The following CDH18 variants were observed in gnomAD, a reference collection of about 807,000 sequenced individuals.
CDH18 encodes the protein cadherin 18.
Under a neutral mutation model 67.9 loss-of-function variants are expected in CDH18, and 31 were observed. The ratio of observed to expected loss-of-function variants is 0.46; its 90% CI spans 0.34 to 0.62. The LOEUF (loss-of-function observed/expected upper bound fraction) is 0.62, where lower values mean the gene tolerates loss of function less well. Ranked by LOEUF, CDH18 falls within the 20% of genes least tolerant of loss-of-function variation. The pLI is 0.01. For synonymous variants in CDH18, 362 were observed against 347.2 expected (o/e 1.04, Z -0.48); for missense variants, 890 against 975.5 (o/e 0.91, Z 1.17).
intron 5 of CDH18, among the ~76,000 whole-genome samples, chr5:19,673,708 TG>T (rs1486346641): frequency 6.6e-6 from 1 of 152,096 alleles, no homozygotes; most frequent in Non-Finnish European, 1.5e-5. Flanking sequence ...TTTTTGTAAT[TG>T]GAATGTTTAA....
chr5:20,227,753 G>A, intron 2 of CDH18, among the ~76,000 whole-genome samples: 1 of 152,136 alleles, frequency 6.6e-6, no homozygotes, highest in Admixed American at 6.6e-5. Context: ...CTCCCAGAGT[G>A]CTGGGATTAC....
At chr5:20,552,686 T>C (rs1757695521) in intron 1 of CDH18, among the ~76,000 whole-genome samples, 1 of 152,134 alleles carries the variant, frequency 6.6e-6, no homozygotes, top group Non-Finnish European at 1.5e-5. Context: ...ATCTTATATT[T>C]TTACATAAAA....
rs529861228 is a variant in CDH18, at chr5:19,919,007, C to T, written c.-257+62053G>A. Reference sequence around the variant, plus strand: ...ATTAGAACGTTCAGCCCCACCCAGACTGGAAATGGTTGAGTGACTGGAGAT... The same window carrying T: ...ATTAGAACGTTCAGCCCCACCCAGATTGGAAATGGTTGAGTGACTGGAGAT... On this transcript the variant is annotated intron_variant, in intron 2 of 12. Coordinates refer to ENST00000382275, the MANE Select transcript of CDH18 (RefSeq NM_004934.5). Among the ~76,000 whole-genome samples, 5 of 152,150 alleles carry T rather than the reference C, an allele frequency of 3.3e-5. No individual in the cohort carries two copies. In the South Asian group the frequency reaches 1.0e-3, roughly 32 times the overall value.
chr5:20,092,987 T>C (rs1189966090), intron 2 of CDH18, among the ~76,000 whole-genome samples: 2 of 152,192 alleles, frequency 1.3e-5, no homozygotes, highest in Non-Finnish European at 2.9e-5. Context: ...ACTACTGTTT[T>C]AAATATGTAC....
At chr5:20,314,706 G>A (rs1173785684) in intron 1 of CDH18, among the ~76,000 whole-genome samples, 1 of 151,974 alleles carries the variant, frequency 6.6e-6, no homozygotes, top group African/African-American at 2.4e-5. Context: ...TTTTTTAAAA[G>A]CCTAAGTATA....
Position 20,394,530 on chromosome 5 carries a change from A to T in CDH18, c.-579-139025T>A, listed in dbSNP as rs182369243. ...GGGCGTTGGTCTAGGCAAATAATTTATAACTAACAAATAGCCCAAAAGCAA... is the reference window on the plus strand; with the variant it reads ...GGGCGTTGGTCTAGGCAAATAATTTTTAACTAACAAATAGCCCAAAAGCAA... On this transcript the variant is annotated intron_variant, in intron 1 of 14. Transcript: ENST00000507958. 6.9e-4 allele frequency among the ~76,000 whole-genome samples: 100 copies of T among 145,092 alleles called. 3 individuals carry two copies. In the East Asian group the frequency reaches 0.017, roughly 25 times the overall value.
At chr5:19,776,848 C>T (rs1379297268) in intron 3 of CDH18, among the ~76,000 whole-genome samples, 1 of 151,988 alleles carries the variant, frequency 6.6e-6, no homozygotes, top group Admixed American at 6.6e-5. Context: ...ATAATAAGAA[C>T]TAATAGTGAA....
intron 3 of CDH18, among the ~76,000 whole-genome samples, chr5:19,831,251 A>G (rs922748115): frequency 5.3e-5 from 8 of 152,162 alleles, no homozygotes; most frequent in African/African-American, 1.9e-4. Flanking sequence ...TCACAAAACA[A>G]AACAAAAAGT....
chr5:19,644,916 C>T (rs1055095180), intron 5 of CDH18, among the ~76,000 whole-genome samples: 1 of 152,208 alleles, frequency 6.6e-6, no homozygotes, highest in African/African-American at 2.4e-5. Flanking sequence ...GCTAAAGGTG[C>T]ATTCCCTGAA....
At chr5:20,269,745 T>C (rs1397435041) in intron 1 of CDH18, among the ~76,000 whole-genome samples, 1 of 152,046 alleles carries the variant, frequency 6.6e-6, no homozygotes, top group Admixed American at 6.6e-5. Context: ...GTGGGGAGAT[T>C]GAAGACAAAT....
chr5:19,473,860 T>C (rs1737995089), intron 12 of CDH18, 144 bp from the exon 13 acceptor site: 3 of 700,042 alleles, frequency 4.3e-6, no homozygotes, highest in Non-Finnish European at 7.3e-6. Context: ...ACTCACTCTG[T>C]GCTCTCTGAA....
intron 1 of CDH18, among the ~76,000 whole-genome samples, chr5:20,526,182 A>T (rs1170940447): frequency 6.6e-6 from 1 of 152,054 alleles, no homozygotes; most frequent in Non-Finnish European, 1.5e-5. Flanking sequence ...TGAAACCTGG[A>T]TCCAACCCTT....
At chr5:19,859,466 A>G (rs1669022238) in intron 2 of CDH18, among the ~76,000 whole-genome samples, 1 of 151,918 alleles carries the variant, frequency 6.6e-6, no homozygotes, top group Non-Finnish European at 1.5e-5. Context: ...GAAAATTCAC[A>G]TTCTGTAGAG....
chr5:19,529,614 T>C (rs1748280354), intron 9 of CDH18, among the ~76,000 whole-genome samples: 1 of 152,104 alleles, frequency 6.6e-6, no homozygotes, highest in South Asian at 2.1e-4. Context: ...AATAGAATTA[T>C]TAAAACAGTC....
intron 6 of CDH18, among the ~76,000 whole-genome samples, chr5:19,591,730 G>A (rs1178241206): frequency 6.6e-6 from 1 of 151,998 alleles, no homozygotes; most frequent in East Asian, 1.9e-4. Context: ...TTTTTATCAA[G>A]AATAGTGAGA....
At chr5:19,636,617 A>C (rs1375827488) in intron 5 of CDH18, among the ~76,000 whole-genome samples, 1 of 151,878 alleles carries the variant, frequency 6.6e-6, no homozygotes, top group Non-Finnish European at 1.5e-5. Context: ...ATATAAATTA[A>C]ATCCAAAGTA....
intron 2 of CDH18, among the ~76,000 whole-genome samples, chr5:20,221,090 T>C (rs769180348): frequency 1.8e-4 from 27 of 151,932 alleles, no homozygotes; most frequent in Non-Finnish European, 3.7e-4. Flanking sequence ...AAAACAGAAT[T>C]ACCAAAACAC....
intron 2 of CDH18, among the ~76,000 whole-genome samples, chr5:20,243,731 A>G (rs1743163108): frequency 6.6e-6 from 1 of 152,152 alleles, no homozygotes; most frequent in South Asian, 2.1e-4. Context: ...TTATAAAAGC[A>G]TAACTCATAA....
rs145901479 is a variant in CDH18, at chr5:19,572,996, C to T, written c.1000-1164G>A. ...GGCAAAATATCATTTCATTTCCAAA[C>T]CATATATTAAGAACCTAGAAAACTA... On this transcript the variant is annotated intron_variant, in intron 7 of 12. Coordinates refer to ENST00000382275, the MANE Select transcript of CDH18 (RefSeq NM_004934.5). 1.3e-3 allele frequency among the ~76,000 whole-genome samples: 195 copies of T among 152,126 alleles called. 1 individual carries two copies. Among genetic ancestry groups the T allele is most frequent in the African/African-American group, 4.6e-3 (189 of 41,494 alleles).
Sources: allele counts gnomAD v4.1 joint callset (sites outside exome capture counted in the v4.1 genomes callset), GRCh38; gene constraint gnomAD v4.1.1; transcripts MANE v1.5; gene names NCBI Gene and HGNC (gene_info 2026-07-23, HGNC 2026-07-21).